CYP2C8: variants seen among roughly 807,000 people sequenced by gnomAD.
CYP2C8 encodes cytochrome P450 family 2 subfamily C member 8.
CYP2C8 carries 51 observed loss-of-function variants against 41.3 expected under a neutral mutation model. The observed-to-expected ratio is 1.24, with a 90% CI of 0.99 to 1.56. CYP2C8 has a LOEUF of 1.56. CYP2C8 is among the 40% of genes most tolerant of loss of function. The pLI, the probability that CYP2C8 is intolerant of heterozygous loss-of-function variation, is 0.00. For missense variants in CYP2C8, 651 were observed against 579.9 expected (o/e 1.12, Z -1.26); for synonymous variants, 218 against 205.8 (o/e 1.06, Z -0.51).
At chr10:95,040,347 A>G (rs1375665927) in intron 7 of CYP2C8, among the ~76,000 whole-genome samples, 1 of 152,198 alleles carries the variant, frequency 6.6e-6, no homozygotes, top group Non-Finnish European at 1.5e-5. Flanking sequence ...AGTGATAATT[A>G]GGGAAAACCC....
At chr10:95,049,539 C>G (rs2033176136) in intron 5 of CYP2C8, among the ~76,000 whole-genome samples, 1 of 152,126 alleles carries the variant, frequency 6.6e-6, no homozygotes, top group Non-Finnish European at 1.5e-5. Context: ...TGCCCACTCA[C>G]AGAGGGAGCA....
At chr10:95,063,820 G>A (rs969361510) in intron 4 of CYP2C8, among the ~76,000 whole-genome samples, 6 of 152,192 alleles carry the variant, frequency 3.9e-5, no homozygotes, top group Non-Finnish European at 8.8e-5. Context: ...GGGTTTTGGT[G>A]TGGATGTCCT....
intron 5 of CYP2C8, among the ~76,000 whole-genome samples, chr10:95,050,205 G>A (rs2033189293): frequency 6.6e-6 from 1 of 152,084 alleles, no homozygotes; most frequent in African/African-American, 2.4e-5. Flanking sequence ...AAAGGGAAGA[G>A]TGAGAAGGAC....
At chr10:95,053,161 A>C (rs766865950) in intron 5 of CYP2C8, among the ~76,000 whole-genome samples, 1 of 152,228 alleles carries the variant, frequency 6.6e-6, no homozygotes, top group Admixed American at 6.5e-5. Context: ...AATTTAAAAA[A>C]TAATTTTAAA....
chr10:95,064,113 A>T (rs2033503031), intron 4 of CYP2C8, among the ~76,000 whole-genome samples: 1 of 152,080 alleles, frequency 6.6e-6, no homozygotes, highest in Non-Finnish European at 1.5e-5. Flanking sequence ...CCATTCTCAG[A>T]TCTCATACTC....
chr10:95,045,978 G>A (rs1386472310), intron 5 of CYP2C8, 27 bp from the exon 6 acceptor site: 1 of 1,612,648 alleles, frequency 6.2e-7, no homozygotes, highest in Non-Finnish European at 8.5e-7. Context: ...GCAATTATCT[G>A]ACAAATTATG....
intron 7 of CYP2C8, among the ~76,000 whole-genome samples, chr10:95,041,638 G>A (rs529772862): frequency 1.3e-5 from 2 of 151,408 alleles, no homozygotes; most frequent in Non-Finnish European, 2.9e-5. Context: ...AAAATTAGCC[G>A]GGCGCGGTGG....
rs939032073 is a variant in CYP2C8 at position 95,051,788 on chromosome 10, A to G, written c.820-5837T>C. ...GAAACAAATGATGAGAAAACACAGCATATCAAAACCTATGGGATTCAGCAA... is the reference window on the plus strand; with the variant it reads ...GAAACAAATGATGAGAAAACACAGCGTATCAAAACCTATGGGATTCAGCAA... On this transcript the variant is annotated intron_variant, in intron 5 of 8. Transcript: ENST00000371270. Among the ~76,000 whole-genome samples, 4 of 152,284 alleles carry G rather than the reference A, an allele frequency of 2.6e-5. No homozygotes were observed. In the East Asian group the frequency reaches 7.7e-4, roughly 29 times the overall value.
chr10:95,062,812 G>C (rs1186319621), intron 4 of CYP2C8, among the ~76,000 whole-genome samples: 2 of 152,086 alleles, frequency 1.3e-5, no homozygotes, highest in Non-Finnish European at 2.9e-5. Flanking sequence ...CTTCCTTCAG[G>C]AGCTCTTTTA....
At position 95,048,310 on chromosome 10, in the gene CYP2C8, A is replaced by G. The variant is rs570683208; in HGVS notation, c.820-2359T>C. Among the ~76,000 whole-genome samples, 6 of 152,244 alleles carry G rather than the reference A, an allele frequency of 3.9e-5. No homozygotes were observed. In the South Asian group the frequency reaches 1.2e-3, roughly 32 times the overall value. On this transcript the variant is annotated intron_variant, in intron 5 of 8. Transcript: ENST00000371270. ...AATCTCTGATGCCTCAGGCTGTGGA[A>G]AGGTTTGAGAGATGTACAGTGCTTG... is the stretch of plus-strand genomic sequence containing the variant.
At position 95,037,252 on chromosome 10, in the gene CYP2C8, G is replaced by C. The variant is rs1204450867; in HGVS notation, c.1349C>G (p.Thr450Ser). 1 of 1,613,668 alleles carries C rather than the reference G, an allele frequency of 6.2e-7. No individual in the cohort carries two copies. Among genetic ancestry groups the C allele is most frequent in the African/African-American group, 1.3e-5 (1 of 74,908 alleles). The change falls in exon 9 of 9, where the codon ACC (threonine) becomes AGC (serine). Residue 450 changes from threonine (T) to serine (S), a missense_variant. Transcript: ENST00000371270. The part of the protein sequence containing the change: ...LARMELFLFL[T>S]TILQNFNLKS... Reference sequence around the variant, plus strand: ...CAGGTTAAAGTTCTGTAAAATTGTGGTTAGAAATAAAAATAGCTCCATGCG... The same window carrying C: ...CAGGTTAAAGTTCTGTAAAATTGTGCTTAGAAATAAAAATAGCTCCATGCG...
intron 7 of CYP2C8, chr10:95,040,994 G>T (rs1191074886): frequency 2.2e-6 from 1 of 456,046 alleles, no homozygotes; most frequent in East Asian, 6.9e-5. Flanking sequence ...AAAAATTGCA[G>T]ACCAAAATAT....
rs2033104094 is a variant in CYP2C8 at position 95,046,086 on chromosome 10, T to C, written c.820-135A>G. ...ACAGTACAGTATTAGAAAAAGCAAC[T>C]GTGTGGTATGGCAGAAACTGCAGAT... On this transcript the variant is annotated intron_variant, in intron 5 of 8. Coordinates refer to ENST00000371270, the MANE Select transcript of CYP2C8 (RefSeq NM_000770.3). 3.2e-6 allele frequency: 3 copies of C among 936,298 alleles called. No individual in the cohort carries two copies. In the South Asian group the frequency reaches 4.9e-5, roughly 15 times the overall value. The allele number at this position is 936,298 out of a possible 1,614,324, so 58.0% of individuals were successfully genotyped here.
chr10:95,047,211 T>C (rs568322196), intron 5 of CYP2C8, among the ~76,000 whole-genome samples: 1 of 152,338 alleles, frequency 6.6e-6, no homozygotes, highest in African/African-American at 2.4e-5. Flanking sequence ...CGTGAGCCAA[T>C]TGGGCCTCAT....
chr10:95,049,114 G>A (rs191460090), intron 5 of CYP2C8, among the ~76,000 whole-genome samples: 1 of 151,948 alleles, frequency 6.6e-6, no homozygotes, highest in Non-Finnish European at 1.5e-5. Flanking sequence ...ACTCAAAACA[G>A]CAAGAAAAAA....
chr10:95,054,995 C>T (rs889610451), intron 5 of CYP2C8, among the ~76,000 whole-genome samples: 5 of 152,076 alleles, frequency 3.3e-5, no homozygotes, highest in African/African-American at 4.8e-5. Context: ...TACCCTAAAA[C>T]TTAAAGTATA....
At chr10:95,060,926 T>C (rs2033414758) in intron 4 of CYP2C8, among the ~76,000 whole-genome samples, 1 of 152,224 alleles carries the variant, frequency 6.6e-6, no homozygotes, top group South Asian at 2.1e-4. Flanking sequence ...CTTGGTTCTG[T>C]TTATATGCTG....
chr10:95,040,878 G>C (rs2032980322), intron 7 of CYP2C8: 2 of 455,702 alleles, frequency 4.4e-6, no homozygotes, highest in Non-Finnish European at 8.8e-6. Context: ...GTGGAAGGAA[G>C]GGAAAGCAAT....
In CYP2C8 at chr10:95,045,901, A is replaced by G; in HGVS notation, c.870T>C (p.Thr290=). 1 of 1,614,086 alleles carries G rather than the reference A, an allele frequency of 6.2e-7. No homozygotes were observed. ...TTCCAGCAACAAATAGATCAGCTAC[A>G]GTGCCAACCAAGTTTTCAATATTGA... is the stretch of plus-strand genomic sequence containing the variant. ...SEFNIENLVG[T]VADLFVAGTE... The change falls in exon 6 of 9, where the codon ACT becomes ACC. Residue 290 remains threonine, a synonymous_variant. Transcript: ENST00000371270.
Sources: gnomAD v4.1 joint callset for allele counts (sites outside exome capture counted in the v4.1 genomes callset) on GRCh38, gnomAD v4.1.1 for gene constraint, MANE v1.5 for transcripts, NCBI Gene and HGNC (gene_info 2026-07-23, HGNC 2026-07-21) for gene names.